MIDEAS: variants seen among roughly 807,000 people sequenced by gnomAD.
The protein encoded by MIDEAS is mitotic deacetylase-associated SANT domain protein.
MIDEAS carries 26 observed loss-of-function variants against 102.7 expected under a neutral mutation model. That is an observed-to-expected ratio of 0.25 (90% CI 0.19 to 0.35). The LOEUF (loss-of-function observed/expected upper bound fraction) is 0.35. MIDEAS is among the 10% of genes least tolerant of loss of function. The probability of loss-of-function intolerance (pLI) is 1.00; values close to 1 mark genes in which losing one functional copy is unlikely to be tolerated. For synonymous variants in MIDEAS, 585 were observed against 591.0 expected (o/e 0.99, Z 0.15); for missense variants, 1,231 against 1,435.6 (o/e 0.86, Z 2.30).
intron 1 of MIDEAS, among the ~76,000 whole-genome samples, chr14:73,746,123 C>A (rs1221976952): frequency 6.6e-6 from 1 of 152,212 alleles, no homozygotes; most frequent in East Asian, 1.9e-4. Context: ...GAGAGGAATC[C>A]TTTCAGGGCT....
intron 1 of MIDEAS, among the ~76,000 whole-genome samples, chr14:73,748,096 A>G (rs2053375970): frequency 6.6e-6 from 1 of 152,212 alleles, no homozygotes; most frequent in Non-Finnish European, 1.5e-5. Context: ...TGGTATACTC[A>G]AAAATATCTA....
chr14:73,728,959 G>A (rs1382346175), intron 4 of MIDEAS: 1 of 152,304 alleles, frequency 6.6e-6, no homozygotes, highest in Non-Finnish European at 1.5e-5. Flanking sequence ...CACAGTCAAA[G>A]GTTAATTGGC....
At position 73,726,617 on chromosome 14, in the gene MIDEAS, C is replaced by T; in HGVS notation, c.2396G>A (p.Arg799Lys). 1 of 1,614,186 alleles carries T rather than the reference C, an allele frequency of 6.2e-7. No individual in the cohort carries two copies. The highest frequency in any genetic ancestry group is 1.1e-5 in the South Asian group (1 of 91,086). Residue 799 changes from arginine to lysine, a missense_variant, in exon 7 of 13, where the codon AGA becomes AAA. Arg to Lys is a conservative substitution (Grantham distance 26). Around this residue, in one of 5 missense-constraint regions of MIDEAS, gnomAD observed 391 missense variants for 483.0 expected, o/e 0.81. Transcript: ENST00000423556. ...TTGCCTTCTCACCAGGATGTCTCCT[C>T]TGGATTCGTGCAGACAGTGCAGGGC... Reference protein sequence around the residue: ...ELALHCLHESRGDILETLNKL... With the variant: ...ELALHCLHESKGDILETLNKL...
chr14:73,738,633 C>T lies in MIDEAS; in HGVS notation c.1376G>A (p.Arg459Gln), dbSNP rs371659365. The change falls in exon 2 of 13, where the codon CGG becomes CAG. Residue 459 changes from arginine to glutamine, a missense_variant. Around this residue, in one of 5 missense-constraint regions of MIDEAS, gnomAD observed 758 missense variants for 856.0 expected, o/e 0.89. Transcript: ENST00000423556. ...CAGCAAATTGGCCTCCTGGGATGCC[C>T]GGCGCCTCCGTCGCGTGCTCTGGAT... ...GVIQSTRRRRRASQEANLLTL... is the reference protein window; with the variant it reads ...GVIQSTRRRRQASQEANLLTL... 36 of 1,612,570 alleles carry T rather than the reference C, an allele frequency of 2.2e-5. No individual in the cohort carries two copies. The highest frequency in any genetic ancestry group is 2.2e-5 in the Non-Finnish European group (26 of 1,179,334).
upstream of MIDEAS, among the ~76,000 whole-genome samples, chr14:73,762,050 G>A (rs1238568978): frequency 6.6e-6 from 1 of 152,214 alleles, no homozygotes; most frequent in Non-Finnish European, 1.5e-5. Context: ...ACACATCCAA[G>A]TGAGGGAAGC....
At chr14:73,737,352 A>C in intron 2 of MIDEAS, 55 bp from the exon 3 acceptor site, 1 of 1,533,256 alleles carries the variant, frequency 6.5e-7, no homozygotes, top group South Asian at 1.2e-5. Flanking sequence ...AGCCAGGCGC[A>C]GTGGCTCACG....
rs1204043642 is a variant in MIDEAS at position 73,720,227 on chromosome 14, C to T, written c.2938-726G>A. Among the ~76,000 whole-genome samples the T allele has an allele frequency of 2.7e-5, 4 of 148,420 alleles. No homozygotes were observed. In the Admixed American group the frequency reaches 2.7e-4, roughly 10 times the overall value. ...GAGCTCTGTAAGCATGAGTGTACTACACACATTCCTTTTTTTTTTTTTTTT... is the reference window on the plus strand; with the variant it reads ...GAGCTCTGTAAGCATGAGTGTACTATACACATTCCTTTTTTTTTTTTTTTT... On this transcript the variant is annotated intron_variant, in intron 11 of 12. Transcript: ENST00000423556.
upstream of MIDEAS, among the ~76,000 whole-genome samples, chr14:73,762,543 C>T (rs2053562794): frequency 6.6e-6 from 1 of 152,194 alleles, no homozygotes; most frequent in African/African-American, 2.4e-5. Flanking sequence ...CCCCCCTTGG[C>T]AGGAGAAGTC....
intron 1 of MIDEAS, among the ~76,000 whole-genome samples, chr14:73,757,510 AAT>A (rs2140152091): frequency 6.6e-6 from 1 of 152,278 alleles, no homozygotes; most frequent in Non-Finnish European, 1.5e-5. Context: ...ATAAGGTGGA[AAT>A]GAGTGTTCAG....
intron 1 of MIDEAS, among the ~76,000 whole-genome samples, chr14:73,785,587 C>T (rs115068500): frequency 0.015 from 2,266 of 152,316 alleles, 59 homozygotes; most frequent in African/African-American, 0.052. Context: ...CACGCCAGCT[C>T]AGTCACACAT....
At chr14:73,754,855 C>G (rs1255358127) in intron 1 of MIDEAS, 2 of 152,194 alleles carry the variant, frequency 1.3e-5, no homozygotes, top group African/African-American at 2.4e-5. Flanking sequence ...GGATAGGGTC[C>G]TCTGTCTGCC....
chr14:73,758,289 G>C (rs2053510057), intron 1 of MIDEAS, among the ~76,000 whole-genome samples: 1 of 152,246 alleles, frequency 6.6e-6, no homozygotes. Flanking sequence ...AACACCCAAG[G>C]AAAGGGTGCA....
intron 1 of MIDEAS, among the ~76,000 whole-genome samples, chr14:73,775,980 C>T (rs1378479335): frequency 2.0e-5 from 3 of 151,952 alleles, no homozygotes; most frequent in Admixed American, 1.3e-4. Flanking sequence ...GGAGAGATCA[C>T]CTGGGCAGCT....
rs1425755284 is a variant in MIDEAS at position 73,725,281 on chromosome 14, C to T, written c.2565G>A (p.Val855=). 1 of 1,613,910 alleles carries T rather than the reference C, an allele frequency of 6.2e-7. No homozygotes were observed. The highest frequency in any genetic ancestry group is 1.3e-5 in the African/African-American group (1 of 75,056). ...ACAGAGCCCAGCTCACCAGCTTCTGCACCAGGAAGAAATCCTTCTTGTAGA... is the reference window on the plus strand; with the variant it reads ...ACAGAGCCCAGCTCACCAGCTTCTGTACCAGGAAGAAATCCTTCTTGTAGA... ...IAIYKKDFFL[V]QKLIQTKTVA... is the part of the protein sequence containing the mutation. The change falls in exon 9 of 13, where the codon GTG becomes GTA. Residue 855 remains valine (V), a synonymous_variant. Coordinates refer to ENST00000423556, the MANE Select transcript of MIDEAS (RefSeq NM_001367710.1). This position sits in a 1 kb window ranked among gnomAD's most constrained non-coding sequence, Gnocchi z 4.1.
intron 1 of MIDEAS, among the ~76,000 whole-genome samples, chr14:73,745,243 A>G (rs750750327): frequency 2.6e-5 from 4 of 152,142 alleles, no homozygotes; most frequent in Non-Finnish European, 5.9e-5. Flanking sequence ...CCTATGTGGA[A>G]CACAAGTCCT....
rs1329942011 is a variant in MIDEAS, at chr14:73,759,443, GGCGGGGGCCGC to G, written c.-248+309_-248+319del. On this transcript the variant is annotated intron_variant, in intron 1 of 12. Coordinates refer to ENST00000423556, the MANE Select transcript of MIDEAS (RefSeq NM_001367710.1). This position sits in a 1 kb window ranked among gnomAD's most constrained non-coding sequence, Gnocchi z 6.7. ...TTCCTGGCGGGGCCGCGCCCGGGTG[GGCGGGGGCCGC>G]GCGCAAGCTGCGTAGCTGCACAAAC... is the stretch of plus-strand genomic sequence containing the variant. 1.3e-5 allele frequency among the ~76,000 whole-genome samples: 2 copies of G among 151,356 alleles called. No individual in the cohort carries two copies. Among genetic ancestry groups the G allele is most frequent in the Non-Finnish European group, 3.0e-5 (2 of 67,788 alleles).
intron 1 of MIDEAS, among the ~76,000 whole-genome samples, chr14:73,785,763 T>A (rs1245525795): frequency 1.3e-5 from 2 of 152,322 alleles, no homozygotes; most frequent in East Asian, 3.9e-4. Context: ...GTAGAGTTCC[T>A]GGGATAGTTT....
intron 4 of MIDEAS, 40 bp downstream of exon 4, chr14:73,729,600 A>G: frequency 6.5e-7 from 1 of 1,531,198 alleles, no homozygotes; most frequent in African/African-American, 1.4e-5. Flanking sequence ...CCAGTGCCCC[A>G]GCCCCGCTCC....
chr14:73,776,514 T>C (rs1333397104), intron 1 of MIDEAS, among the ~76,000 whole-genome samples: 1 of 137,574 alleles, frequency 7.3e-6, no homozygotes, highest in African/African-American at 2.8e-5. Flanking sequence ...CAAAACCCCA[T>C]CTCTGTTTAA....
Sources: gnomAD v4.1 joint callset for allele counts (sites outside exome capture counted in the v4.1 genomes callset) on GRCh38, gnomAD v4.1.1 for gene constraint, gnomAD v4.1.1 regional missense constraint, Gnocchi (gnomAD v3.1) non-coding constraint, MANE v1.5 for transcripts, NCBI Gene and HGNC (gene_info 2026-07-23, HGNC 2026-07-21) for gene names.